NCOA1: variants seen among roughly 807,000 people sequenced by gnomAD.
NCOA1 encodes nuclear receptor coactivator 1.
A neutral mutation model predicts 150.9 loss-of-function variants in NCOA1; 35 were observed. The observed-to-expected ratio is 0.23, with a 90% confidence interval of 0.18 to 0.31. The LOEUF (loss-of-function observed/expected upper bound fraction) is 0.31. NCOA1 is among the 10% of genes least tolerant of loss of function. The probability of loss-of-function intolerance (pLI) is 1.00; values close to 1 mark genes in which losing one functional copy is unlikely to be tolerated. For synonymous variants in NCOA1, 590 were observed against 630.0 expected (o/e 0.94, Z 0.95); for missense variants, 1,491 against 1,749.3 (o/e 0.85, Z 2.63).
intron 3 of NCOA1, among the ~76,000 whole-genome samples, chr2:24,629,817 C>CATATATATATATATATATATATAT (rs57598398): frequency 3.8e-5 from 3 of 79,346 alleles, no homozygotes; most frequent in African/African-American, 1.3e-4. Flanking sequence ...AACATACATA[C>CATATATATATATATATATATATAT]ATATATATAT....
chr2:24,510,052 C>T (rs1663868397), intron 1 of NCOA1, among the ~76,000 whole-genome samples: 1 of 152,126 alleles, frequency 6.6e-6, no homozygotes, highest in Admixed American at 6.6e-5. Flanking sequence ...GAGTGTAGGA[C>T]TGTGCACTTT....
intron 2 of NCOA1, among the ~76,000 whole-genome samples, chr2:24,574,349 A>G (rs985936990): frequency 6.6e-6 from 1 of 152,130 alleles, no homozygotes; most frequent in Non-Finnish European, 1.5e-5. Flanking sequence ...CAAGGAACAT[A>G]TAATTCCTAT....
At chr2:24,746,216 C>G (rs1663909190) in intron 19 of NCOA1, among the ~76,000 whole-genome samples, 1 of 152,140 alleles carries the variant, frequency 6.6e-6, no homozygotes, top group South Asian at 2.1e-4. Flanking sequence ...GTCTGCAATG[C>G]TAGTTATGGT....
chr2:24,739,317 C>G (rs560285986), intron 17 of NCOA1, 115 bp from the exon 18 acceptor site: 11 of 720,386 alleles, frequency 1.5e-5, no homozygotes, highest in Admixed American at 1.5e-4. Context: ...AATAATCTAA[C>G]CAAACCTGCA....
chr2:24,606,279 A>G, intron 3 of NCOA1, among the ~76,000 whole-genome samples: 1 of 152,028 alleles, frequency 6.6e-6, no homozygotes, highest in East Asian at 1.9e-4. Flanking sequence ...CTCCGTTGCC[A>G]AGGCTGGAGT....
intron 3 of NCOA1, among the ~76,000 whole-genome samples, chr2:24,601,386 A>T (rs1011211165): frequency 1.3e-5 from 2 of 152,012 alleles, no homozygotes; most frequent in African/African-American, 2.4e-5. Flanking sequence ...CTAAGTTTTT[A>T]AAAAAATTTT....
chr2:24,573,917 A>G (rs1224440699), intron 2 of NCOA1, among the ~76,000 whole-genome samples: 1 of 139,080 alleles, frequency 7.2e-6, no homozygotes, highest in Non-Finnish European at 1.6e-5. Flanking sequence ...TTGTTAATGA[A>G]TGAAATAAAT....
chr2:24,624,838 CAG>C (rs1669335315), intron 3 of NCOA1, among the ~76,000 whole-genome samples: 1 of 152,086 alleles, frequency 6.6e-6, no homozygotes, highest in African/African-American at 2.4e-5. Context: ...CATGAATTGA[CAG>C]AGAGAGGAGA....
chr2:24,760,634 C>T (rs2148696564), intron 21 of NCOA1, among the ~76,000 whole-genome samples: 1 of 152,206 alleles, frequency 6.6e-6, no homozygotes, highest in Middle Eastern at 3.4e-3. Context: ...CATCTGCTGT[C>T]ATTTTATCTT....
At chr2:24,552,353 A>ATTTT (rs869212842) in intron 1 of NCOA1, among the ~76,000 whole-genome samples, 1 of 38,350 alleles carries the variant, frequency 2.6e-5, no homozygotes, top group African/African-American at 1.3e-4. Flanking sequence ...ATATATATAT[A>ATTTT]TTTTTTTTTT....
rs768380989 is a variant in NCOA1 at position 24,707,295 on chromosome 2, G to A, written c.1825G>A (p.Asp609Asn). Reference sequence around the variant, plus strand: ...CAGCTCTAGTGATGGCAAACCTCTGGATTCAGGGCTTCTGCATAACAATGA... The same window carrying A: ...CAGCTCTAGTGATGGCAAACCTCTGAATTCAGGGCTTCTGCATAACAATGA... ...DNSSSDGKPLDSGLLHNNDRL... is the reference protein window; with the variant it reads ...DNSSSDGKPLNSGLLHNNDRL... The change falls in exon 13 of 23, where the codon GAT becomes AAT. Residue 609 changes from aspartate to asparagine, a missense_variant. Asp to Asn is a conservative substitution (Grantham distance 23). This residue lies in a region of NCOA1 where 703 missense variants were observed against 717.7 expected (regional missense o/e 0.98). Coordinates refer to ENST00000348332, the MANE Select transcript of NCOA1 (RefSeq NM_003743.5). The A allele has an allele frequency of 1.2e-6, 2 of 1,614,192 alleles. No individual in the cohort carries two copies. Among genetic ancestry groups the A allele is most frequent in the Non-Finnish European group, 1.7e-6 (2 of 1,180,034 alleles).
At chr2:24,639,968 A>G (rs1455156290) in intron 3 of NCOA1, among the ~76,000 whole-genome samples, 1 of 120,212 alleles carries the variant, frequency 8.3e-6, no homozygotes, top group African/African-American at 3.3e-5. Flanking sequence ...ATATATATAT[A>G]TATTCAGAGT....
intron 5 of NCOA1, among the ~76,000 whole-genome samples, chr2:24,661,125 A>T (rs1039743467): frequency 2.6e-5 from 4 of 152,032 alleles, no homozygotes; most frequent in Non-Finnish European, 4.4e-5. Flanking sequence ...TAAGTACCAC[A>T]TTGTTTTTCA....
intron 3 of NCOA1, among the ~76,000 whole-genome samples, chr2:24,629,229 G>A (rs2148426647): frequency 6.6e-6 from 1 of 152,210 alleles, no homozygotes; most frequent in Admixed American, 6.5e-5. Context: ...CTTCAAAATA[G>A]ATGTGTTTAT....
intron 3 of NCOA1, among the ~76,000 whole-genome samples, chr2:24,605,364 G>A (rs751568629): frequency 6.6e-6 from 1 of 152,124 alleles, no homozygotes; most frequent in Non-Finnish European, 1.5e-5. Context: ...CCTGTATATT[G>A]TATGTATTCT....
intron 4 of NCOA1, among the ~76,000 whole-genome samples, chr2:24,648,461 C>T (rs950072603): frequency 1.3e-5 from 2 of 151,970 alleles, no homozygotes; most frequent in East Asian, 1.9e-4. Flanking sequence ...TTAGTAGAGA[C>T]GGAGTTTCAC....
chr2:24,748,649 A>T (rs1572679328), intron 19 of NCOA1, among the ~76,000 whole-genome samples: 1 of 5,880 alleles, frequency 1.7e-4, no homozygotes, highest in Admixed American at 6.6e-3. Context: ...AACCTATAAT[A>T]AAAAAAACGA....
At position 24,757,983 on chromosome 2, in the gene NCOA1, C is replaced by A; in HGVS notation, c.3892C>A (p.Gln1298Lys). ...TTTTTGAGTTTACAGTGTGTTCAGT[C>A]AAGCTGTCCAGAACCAGCCCACGCC... ...GAIGNNNVFS[Q>K]AVQNQPTPAQ... Residue 1298 changes from glutamine to lysine, a missense_variant, in exon 21 of 23, where the codon CAA (glutamine) becomes AAA (lysine). Around this residue, in one of 8 missense-constraint regions of NCOA1, gnomAD observed 485 missense variants for 522.8 expected, o/e 0.93. Transcript: ENST00000348332. 6.2e-7 allele frequency: 1 copy of A among 1,613,544 alleles called. No homozygotes were observed. The highest frequency in any genetic ancestry group is 8.5e-7 in the Non-Finnish European group (1 of 1,179,770).
chr2:24,631,362 A>G (rs578097563), intron 3 of NCOA1, among the ~76,000 whole-genome samples: 33 of 152,328 alleles, frequency 2.2e-4, no homozygotes, highest in African/African-American at 7.5e-4. Context: ...CCTAAAGAAG[A>G]TAAGTTAAAG....
Sources: gnomAD v4.1 joint callset for allele counts (sites outside exome capture counted in the v4.1 genomes callset) on GRCh38, gnomAD v4.1.1 for gene constraint, gnomAD v4.1.1 regional missense constraint, MANE v1.5 for transcripts, NCBI Gene and HGNC (gene_info 2026-07-23, HGNC 2026-07-21) for gene names.